The following SLC9A9 variants were observed in gnomAD, a reference collection of about 807,000 sequenced individuals.
SLC9A9 encodes the protein solute carrier family 9 member A9.
Under a neutral mutation model 77.8 loss-of-function variants are expected in SLC9A9, and 62 were observed. That is an observed-to-expected ratio of 0.80 (90% CI 0.65 to 0.98). SLC9A9 has a LOEUF of 0.98. Among genes scored for constraint, SLC9A9 ranks in the 50% least tolerant of loss-of-function variants. The probability of loss-of-function intolerance (pLI) is 0.00; values close to 1 mark genes in which losing one functional copy is unlikely to be tolerated. For synonymous variants in SLC9A9, 320 were observed against 283.5 expected (o/e 1.13, Z -1.29); for missense variants, 775 against 774.9 (o/e 1.00, Z 0.00).
Position 143,716,458 on chromosome 3 carries a change from A to G in SLC9A9, c.534-23151T>C, listed in dbSNP as rs547815358. Among the ~76,000 whole-genome samples the G allele has an allele frequency of 3.9e-5, 6 of 152,136 alleles. No homozygotes were observed. In the South Asian group the frequency reaches 6.2e-4, roughly 16 times the overall value. On this transcript the variant is annotated intron_variant, in intron 4 of 15. Transcript: ENST00000316549. Reference sequence around the variant, plus strand: ...TTTTATCAGTTAATTATCAGTTCACATCAAAGAAGAGATGAGTTAGAGTGT... The same window carrying G: ...TTTTATCAGTTAATTATCAGTTCACGTCAAAGAAGAGATGAGTTAGAGTGT...
chr3:143,445,235 A>G (rs2034821956), intron 12 of SLC9A9, among the ~76,000 whole-genome samples: 1 of 152,210 alleles, frequency 6.6e-6, no homozygotes. Flanking sequence ...TAGATTTCTT[A>G]GATGTGAGTC....
chr3:143,558,964 G>A lies in SLC9A9; in HGVS notation c.1001-6514C>T, dbSNP rs145595362. ...TGTCATGGGAGGGTCCTGGTGGGAA[G>A]TAATTGGATCATAGGGACAGTTTCC... On this transcript the variant is annotated intron_variant, in intron 8 of 15. Transcript: ENST00000316549. 2.3e-3 allele frequency among the ~76,000 whole-genome samples: 353 copies of A among 152,264 alleles called. 2 individuals are homozygous for A. The highest frequency in any genetic ancestry group is 8.0e-3 in the African/African-American group (334 of 41,548).
At chr3:143,804,707 C>T (rs1343712802) in intron 2 of SLC9A9, among the ~76,000 whole-genome samples, 1 of 152,160 alleles carries the variant, frequency 6.6e-6, no homozygotes, top group Non-Finnish European at 1.5e-5. Flanking sequence ...CCCCTCATGA[C>T]ACCAACACGA....
At chr3:143,816,314 C>G (rs2009016288) in intron 2 of SLC9A9, among the ~76,000 whole-genome samples, 1 of 152,168 alleles carries the variant, frequency 6.6e-6, no homozygotes, top group South Asian at 2.1e-4. Context: ...AGTGATCTTT[C>G]CATCTAAGCC....
intron 8 of SLC9A9, among the ~76,000 whole-genome samples, chr3:143,569,439 T>C (rs1171023278): frequency 6.6e-6 from 1 of 152,058 alleles, no homozygotes; most frequent in Non-Finnish European, 1.5e-5. Context: ...ACTTATCATC[T>C]GGGAAGAAAA....
chr3:143,431,522 A>G lies in SLC9A9; in HGVS notation c.1469+35515T>C, dbSNP rs1271320094. Reference sequence around the variant, plus strand: ...TTTTGCGATGGAGTCTCGCTCTGTCACCCAGGCTGGAGTACAGTGGTGCAA... The same window carrying G: ...TTTTGCGATGGAGTCTCGCTCTGTCGCCCAGGCTGGAGTACAGTGGTGCAA... On this transcript the variant is annotated intron_variant, in intron 12 of 15. Transcript: ENST00000316549. 5.0e-5 allele frequency among the ~76,000 whole-genome samples: 7 copies of G among 139,612 alleles called. No homozygotes were observed. The Admixed American group carries it at 5.3e-4, about 11-fold the overall frequency. 91.6% of individuals were successfully genotyped at this position (139,612 alleles called of 152,430 possible).
chr3:143,465,565 A>T (rs950385032), intron 12 of SLC9A9, among the ~76,000 whole-genome samples: 1 of 152,098 alleles, frequency 6.6e-6, no homozygotes, highest in Non-Finnish European at 1.5e-5. Flanking sequence ...GAATATTTGA[A>T]CTCACCTAAT....
At chr3:143,594,532 GA>G (rs1168874501) in intron 6 of SLC9A9, among the ~76,000 whole-genome samples, 2 of 152,162 alleles carry the variant, frequency 1.3e-5, no homozygotes, top group East Asian at 3.9e-4. Flanking sequence ...ACTGACATTA[GA>G]ATCCTGGTTG....
At chr3:143,329,832 G>A (rs1432954452) in intron 14 of SLC9A9, among the ~76,000 whole-genome samples, 1 of 152,086 alleles carries the variant, frequency 6.6e-6, no homozygotes, top group Non-Finnish European at 1.5e-5. Context: ...CAGCAGCCCC[G>A]CTCCTGCCCA....
At chr3:143,414,787 A>G (rs767164512) in intron 12 of SLC9A9, among the ~76,000 whole-genome samples, 4 of 152,230 alleles carry the variant, frequency 2.6e-5, no homozygotes, top group Non-Finnish European at 5.9e-5. Flanking sequence ...GTTTAAGTGA[A>G]AGGAAGAGTC....
Position 143,434,709 on chromosome 3 carries a change from C to T in SLC9A9, c.1469+32328G>A, listed in dbSNP as rs192200639. ...TCACCTGGATTCAGTCTCATAAATG[C>T]CTCTTTCCACCCTGGTCCATGCTAA... On this transcript the variant is annotated intron_variant, in intron 12 of 15. Transcript: ENST00000316549. 2.1e-3 allele frequency among the ~76,000 whole-genome samples: 324 copies of T among 152,264 alleles called. 1 individual carries two copies. Among genetic ancestry groups the T allele is most frequent in the African/African-American group, 7.4e-3 (308 of 41,532 alleles).
intron 9 of SLC9A9, chr3:143,503,437 C>A: frequency 5.6e-6 from 2 of 355,852 alleles, no homozygotes; most frequent in South Asian, 4.5e-5. Context: ...AGGAGACAAC[C>A]TGGTGCTCAC....
intron 9 of SLC9A9, among the ~76,000 whole-genome samples, chr3:143,550,314 C>A (rs767661579): frequency 3.9e-5 from 6 of 152,134 alleles, no homozygotes; most frequent in Non-Finnish European, 7.3e-5. Context: ...TATAAGAGAC[C>A]TCTCTGCCTC....
At chr3:143,511,069 G>A (rs1172068363) in intron 9 of SLC9A9, among the ~76,000 whole-genome samples, 4 of 152,158 alleles carry the variant, frequency 2.6e-5, no homozygotes, top group African/African-American at 7.2e-5. Context: ...ATTTGGGGGT[G>A]CAGAAGATCG....
At chr3:143,715,227 C>G (rs1388647067) in intron 4 of SLC9A9, among the ~76,000 whole-genome samples, 1 of 152,110 alleles carries the variant, frequency 6.6e-6, no homozygotes, top group African/African-American at 2.4e-5. Context: ...TCTTTAGGGT[C>G]TGTATGGGCT....
chr3:143,534,909 C>T (rs1373521059), intron 9 of SLC9A9, among the ~76,000 whole-genome samples: 1 of 152,096 alleles, frequency 6.6e-6, no homozygotes, highest in Non-Finnish European at 1.5e-5. Flanking sequence ...AAAACAGTCA[C>T]TTTTTTGTAC....
chr3:143,818,814 G>T (rs1314658083), intron 2 of SLC9A9, among the ~76,000 whole-genome samples: 1 of 152,124 alleles, frequency 6.6e-6, no homozygotes, highest in Non-Finnish European at 1.5e-5. Flanking sequence ...AGGCGCGGTG[G>T]CTCATGCCTG....
intron 7 of SLC9A9, among the ~76,000 whole-genome samples, 180 bp downstream of exon 7, chr3:143,578,405 G>A (rs980325167): frequency 6.6e-6 from 1 of 152,164 alleles, no homozygotes; most frequent in Non-Finnish European, 1.5e-5. Context: ...CTCTGCCACT[G>A]GTACCAACCT....
chr3:143,267,010 T>A (rs1208582462), intron 15 of SLC9A9, 81 bp from the exon 16 acceptor site: 46 of 1,220,594 alleles, frequency 3.8e-5, no homozygotes, highest in Middle Eastern at 1.9e-4. Context: ...TTTTTTTTTT[T>A]AAACAGAATG....
Sources: gnomAD v4.1 joint callset for allele counts (sites outside exome capture counted in the v4.1 genomes callset) on GRCh38, gnomAD v4.1.1 for gene constraint, MANE v1.5 for transcripts, NCBI Gene and HGNC (gene_info 2026-07-23, HGNC 2026-07-21) for gene names.